Variants in CNTNAP2 observed in about 807,000 individuals in gnomAD.
CNTNAP2 encodes contactin associated protein 2, also known as contactin-associated protein-like 2.
In CNTNAP2, 98 loss-of-function variants were observed where a neutral mutation model predicts 155.2. That is an observed-to-expected ratio of 0.63 (90% CI 0.54 to 0.75). The LOEUF (loss-of-function observed/expected upper bound fraction) is 0.75. Ranked by LOEUF, CNTNAP2 falls within the 30% of genes least tolerant of loss-of-function variation. CNTNAP2 has a pLI of 0.00. For synonymous variants in CNTNAP2, 651 were observed against 631.2 expected (o/e 1.03, Z -0.47); for missense variants, 1,727 against 1,688.1 (o/e 1.02, Z -0.40).
At chr7:146,389,165 A>G (rs1584901852) in intron 1 of CNTNAP2, among the ~76,000 whole-genome samples, 1 of 152,068 alleles carries the variant, frequency 6.6e-6, no homozygotes, top group Admixed American at 6.6e-5. Context: ...TCAGACATCA[A>G]TATAGCAAAA....
intron 22 of CNTNAP2, among the ~76,000 whole-genome samples, chr7:148,402,367 A>C (rs1412081632): frequency 1.3e-5 from 2 of 152,196 alleles, no homozygotes; most frequent in Non-Finnish European, 2.9e-5. Context: ...AGAAATGTGA[A>C]ACTCAGGATC....
intron 1 of CNTNAP2, among the ~76,000 whole-genome samples, chr7:146,541,404 A>G (rs1797951245): frequency 6.6e-6 from 1 of 151,998 alleles, no homozygotes; most frequent in African/African-American, 2.4e-5. Flanking sequence ...TTTACTTTGG[A>G]CAAAGATCTT....
At chr7:147,066,988 G>A (rs1354512748) in intron 4 of CNTNAP2, among the ~76,000 whole-genome samples, 1 of 152,034 alleles carries the variant, frequency 6.6e-6, no homozygotes, top group Non-Finnish European at 1.5e-5. Context: ...CTAGCTGTCT[G>A]GTCACTTCTT....
chr7:147,131,455 A>G (rs1801357770), intron 7 of CNTNAP2, among the ~76,000 whole-genome samples: 1 of 151,986 alleles, frequency 6.6e-6, no homozygotes, highest in African/African-American at 2.4e-5. Flanking sequence ...TATCTGAATG[A>G]TAAATATTTT....
At chr7:146,374,375 T>C (rs932073609) in intron 1 of CNTNAP2, among the ~76,000 whole-genome samples, 2 of 152,208 alleles carry the variant, frequency 1.3e-5, no homozygotes, top group Non-Finnish European at 2.9e-5. Context: ...ACTAAATGTG[T>C]TGTATATCCT....
chr7:147,864,411 G>A (rs1321231478), intron 13 of CNTNAP2, among the ~76,000 whole-genome samples: 1 of 151,758 alleles, frequency 6.6e-6, no homozygotes, highest in Non-Finnish European at 1.5e-5. Context: ...GGCAATGAGG[G>A]GTCTTTTTTG....
intron 21 of CNTNAP2, among the ~76,000 whole-genome samples, chr7:148,375,340 A>C (rs995424605): frequency 6.8e-6 from 1 of 147,586 alleles, no homozygotes; most frequent in Non-Finnish European, 1.5e-5. Flanking sequence ...ATATATTTTT[A>C]TATATATATA....
intron 1 of CNTNAP2, among the ~76,000 whole-genome samples, chr7:146,214,165 A>C (rs1256814529): frequency 3.9e-5 from 6 of 152,202 alleles, no homozygotes; most frequent in Non-Finnish European, 8.8e-5. Context: ...GGACTCTCAT[A>C]TTCTTTAAAA....
At chr7:147,300,433 A>C (rs1794926122) in intron 9 of CNTNAP2, 143 bp downstream of exon 9, 2 of 960,428 alleles carry the variant, frequency 2.1e-6, no homozygotes, top group Non-Finnish European at 3.1e-6. Flanking sequence ...CACTGAGCAA[A>C]ACAAAAAAAG....
chr7:146,929,213 C>T (rs939628587), intron 3 of CNTNAP2, among the ~76,000 whole-genome samples: 11 of 152,310 alleles, frequency 7.2e-5, no homozygotes, highest in African/African-American at 2.4e-4. Context: ...TGACACCTCA[C>T]ACGGCCGGGT....
At chr7:147,486,122 C>G (rs1174038532) in intron 11 of CNTNAP2, 81 bp downstream of exon 11, 2 of 1,114,478 alleles carry the variant, frequency 1.8e-6, no homozygotes, top group Non-Finnish European at 2.7e-6. Context: ...AGCTCAGCAA[C>G]CTGAATAATC....
rs1796663911 is a variant in CNTNAP2, at chr7:147,727,475, C to T, written c.2098+88169C>T. Among the ~76,000 whole-genome samples, 4 of 152,106 alleles carry T rather than the reference C, an allele frequency of 2.6e-5. No individual in the cohort carries two copies. In the South Asian group the frequency reaches 6.2e-4, roughly 24 times the overall value. On this transcript the variant is annotated intron_variant, in intron 13 of 23. Coordinates refer to ENST00000361727, the MANE Select transcript of CNTNAP2 (RefSeq NM_014141.6). ...TTTTTATCTGATTATTCCAATTCAT[C>T]ACATTTAATTATCTTACTGTTTCTG...
At chr7:148,085,190 A>T (rs1449058165) in intron 15 of CNTNAP2, among the ~76,000 whole-genome samples, 1 of 152,226 alleles carries the variant, frequency 6.6e-6, no homozygotes, top group Non-Finnish European at 1.5e-5. Context: ...GTTGGAAACA[A>T]CCTATTTCCC....
At chr7:146,384,472 G>C (rs892533188) in intron 1 of CNTNAP2, among the ~76,000 whole-genome samples, 1 of 152,136 alleles carries the variant, frequency 6.6e-6, no homozygotes, top group Non-Finnish European at 1.5e-5. Flanking sequence ...TAATAGAATT[G>C]TATGTTATAA....
intron 13 of CNTNAP2, among the ~76,000 whole-genome samples, chr7:147,668,476 G>T (rs1440519050): frequency 3.3e-5 from 5 of 152,224 alleles, no homozygotes; most frequent in Admixed American, 2.6e-4. Flanking sequence ...AGCTCCATGG[G>T]TGTCAGTGCC....
At chr7:147,768,135 G>GT (rs1797412451) in intron 13 of CNTNAP2, among the ~76,000 whole-genome samples, 1 of 152,054 alleles carries the variant, frequency 6.6e-6, no homozygotes, top group South Asian at 2.1e-4. Context: ...GTATCAAAAG[G>GT]TTTTTTATCT....
At chr7:147,652,344 T>G (rs1396245817) in intron 13 of CNTNAP2, among the ~76,000 whole-genome samples, 2 of 152,154 alleles carry the variant, frequency 1.3e-5, no homozygotes, top group African/African-American at 4.8e-5. Context: ...TGCTCAGGTA[T>G]TTTTTCTCTC....
At chr7:147,883,263 A>G (rs2116719252) in intron 13 of CNTNAP2, among the ~76,000 whole-genome samples, 1 of 152,250 alleles carries the variant, frequency 6.6e-6, no homozygotes, top group Admixed American at 6.5e-5. Context: ...AACCTGCACT[A>G]CCATATCTTA....
chr7:147,854,462 C>G (rs1246701106), intron 13 of CNTNAP2, among the ~76,000 whole-genome samples: 1 of 152,092 alleles, frequency 6.6e-6, no homozygotes, highest in African/African-American at 2.4e-5. Context: ...GTGACATAGG[C>G]CCTTCAAACC....
Sources: gnomAD v4.1 joint callset for allele counts (sites outside exome capture counted in the v4.1 genomes callset) on GRCh38, gnomAD v4.1.1 for gene constraint, MANE v1.5 for transcripts, NCBI Gene and HGNC (gene_info 2026-07-23, HGNC 2026-07-21) for gene names.